The following GABRG3 variants were observed in gnomAD, a reference collection of about 807,000 sequenced individuals.
GABRG3 encodes gamma-aminobutyric acid receptor subunit gamma-3.
In GABRG3, 25 loss-of-function variants were observed where a neutral mutation model predicts 48.8. That is an observed-to-expected ratio of 0.51 (90% CI 0.37 to 0.72). The LOEUF is 0.72. Among genes scored for constraint, GABRG3 ranks in the 30% least tolerant of loss-of-function variants. The probability of loss-of-function intolerance (pLI) is 0.00; values close to 1 mark genes in which losing one functional copy is unlikely to be tolerated. For synonymous variants in GABRG3, 227 were observed against 217.6 expected (o/e 1.04, Z -0.38); for missense variants, 394 against 577.9 (o/e 0.68, Z 3.26).
intron 2 of GABRG3, among the ~76,000 whole-genome samples, chr15:27,011,716 T>C (rs948864634): frequency 5.3e-5 from 8 of 151,842 alleles, no homozygotes; most frequent in African/African-American, 1.2e-4. Context: ...GGTGTGGTGG[T>C]GGGCGCCTGT....
intron 6 of GABRG3, among the ~76,000 whole-genome samples, chr15:27,484,798 T>TCACAATGGTCAAAG (rs1476190106): frequency 3.3e-5 from 5 of 152,124 alleles, no homozygotes; most frequent in African/African-American, 9.6e-5. Flanking sequence ...CTAAAAGATA[T>TCACAATGGTCAAAG]CACAATGGTC....
At position 26,998,863 on chromosome 15, in the gene GABRG3, A is replaced by G. The variant is rs1040729184; in HGVS notation, c.202+21713A>G. 2.6e-4 allele frequency among the ~76,000 whole-genome samples: 39 copies of G among 152,302 alleles called. No individual in the cohort carries two copies. In the East Asian group the frequency reaches 3.9e-3, roughly 15 times the overall value. ...CACAATGATTTAGTAAAGTTTTTTGATTGAATGTTTCTTCCTTTGCTGTAT... is the reference window on the plus strand; with the variant it reads ...CACAATGATTTAGTAAAGTTTTTTGGTTGAATGTTTCTTCCTTTGCTGTAT... On this transcript the variant is annotated intron_variant, in intron 2 of 9. Coordinates refer to ENST00000615808, the MANE Select transcript of GABRG3 (RefSeq NM_033223.5).
chr15:27,155,720 T>A (rs182576791), intron 3 of GABRG3, among the ~76,000 whole-genome samples: 10 of 152,260 alleles, frequency 6.6e-5, no homozygotes, highest in Admixed American at 5.9e-4. Flanking sequence ...CTAGCTTCCC[T>A]CTAGGTCCCT....
rs1039913093 is a variant in GABRG3 at position 27,537,125 on chromosome 15, A to T, written c.*4244A>T. On this transcript the variant is annotated 3_prime_UTR_variant, in exon 10 of 10. Coordinates refer to ENST00000615808, the MANE Select transcript of GABRG3 (RefSeq NM_033223.5). ...AAGAAATTTCATCTGCAATTTCTGT[A>T]AAAAAAAAAAAAAAAAAAAAGAATG... 1.1e-5 allele frequency: 1 copy of T among 91,932 alleles called. No homozygotes were observed. Among genetic ancestry groups the T allele is most frequent in the Non-Finnish European group, 1.9e-5 (1 of 52,480 alleles). The allele number at this position is 91,932 out of a possible 1,614,324, so 5.7% of individuals were successfully genotyped here. A position where few individuals can be genotyped will look rare whatever the true frequency, so the allele number is the denominator to read the frequency against.
chr15:27,393,344 CA>C (rs34689012), intron 5 of GABRG3, among the ~76,000 whole-genome samples: 52,103 of 110,884 alleles, frequency 0.47, 10,331 homozygotes, highest in East Asian at 0.84. Context: ...ACTCCGTCTC[CA>C]AAAAAAAAAA....
At chr15:27,056,750 G>A (rs1340162820) in intron 3 of GABRG3, among the ~76,000 whole-genome samples, 2 of 152,116 alleles carry the variant, frequency 1.3e-5, no homozygotes, top group Admixed American at 6.5e-5. Context: ...GTGGATGAGC[G>A]TTTTCATTAA....
chr15:27,209,669 C>T (rs747702302), intron 3 of GABRG3, among the ~76,000 whole-genome samples: 1 of 152,188 alleles, frequency 6.6e-6, no homozygotes, highest in Non-Finnish European at 1.5e-5. Context: ...GCAGCTGTCT[C>T]TGGAGGCCAC....
At chr15:27,283,413 G>A (rs1310106384) in intron 3 of GABRG3, among the ~76,000 whole-genome samples, 1 of 152,172 alleles carries the variant, frequency 6.6e-6, no homozygotes, top group Non-Finnish European at 1.5e-5. Flanking sequence ...AGACCAGCCT[G>A]GCCAACATGG....
chr15:27,158,885 A>C (rs952592999), intron 3 of GABRG3, among the ~76,000 whole-genome samples: 1 of 152,004 alleles, frequency 6.6e-6, no homozygotes, highest in African/African-American at 2.4e-5. Flanking sequence ...CTCTCATTTC[A>C]CTCTAGTTTG....
intron 5 of GABRG3, among the ~76,000 whole-genome samples, chr15:27,415,342 C>T (rs1057389908): frequency 2.0e-5 from 3 of 152,172 alleles, no homozygotes; most frequent in African/African-American, 7.2e-5. Flanking sequence ...AGGCATTCCT[C>T]ATGGCTCTGA....
intron 5 of GABRG3, among the ~76,000 whole-genome samples, chr15:27,396,290 A>C (rs1056214731): frequency 1.1e-4 from 17 of 152,238 alleles, no homozygotes; most frequent in Admixed American, 9.8e-4. Flanking sequence ...TATGTAAGGA[A>C]CACTCAAAAG....
At chr15:27,429,274 G>A (rs569063405) in intron 5 of GABRG3, among the ~76,000 whole-genome samples, 57 of 152,174 alleles carry the variant, frequency 3.7e-4, no homozygotes, top group African/African-American at 1.3e-3. Context: ...TGACCTTTCC[G>A]TGTCCTACAT....
intron 2 of GABRG3, among the ~76,000 whole-genome samples, chr15:27,012,611 T>C (rs1895709206): frequency 6.6e-6 from 1 of 152,196 alleles, no homozygotes; most frequent in African/African-American, 2.4e-5. Flanking sequence ...TAGGAAGGAA[T>C]GGATATGGGG....
At chr15:26,987,427 C>G (rs1394131215) in intron 2 of GABRG3, among the ~76,000 whole-genome samples, 1 of 152,226 alleles carries the variant, frequency 6.6e-6, no homozygotes, top group Non-Finnish European at 1.5e-5. Context: ...TCCAAGACAT[C>G]TTACAGATCC....
At chr15:27,453,579 A>G (rs1245566150) in intron 5 of GABRG3, among the ~76,000 whole-genome samples, 1 of 152,130 alleles carries the variant, frequency 6.6e-6, no homozygotes, top group South Asian at 2.1e-4. Context: ...ATGCAAAACA[A>G]CACAGACTTT....
intron 2 of GABRG3, among the ~76,000 whole-genome samples, chr15:26,989,075 C>G (rs1238591079): frequency 1.3e-5 from 2 of 152,280 alleles, no homozygotes; most frequent in South Asian, 4.1e-4. Context: ...TCCACATTAT[C>G]CTTGCCACTC....
chr15:27,084,069 C>T (rs1897035586), intron 3 of GABRG3, among the ~76,000 whole-genome samples: 3 of 152,190 alleles, frequency 2.0e-5, no homozygotes, highest in Admixed American at 1.3e-4. Flanking sequence ...ACCTGAGAAC[C>T]CTGGGTCCCA....
chr15:27,380,143 T>G (rs1270910995), intron 5 of GABRG3, among the ~76,000 whole-genome samples: 2 of 152,324 alleles, frequency 1.3e-5, no homozygotes, highest in East Asian at 3.9e-4. Context: ...GCTTACCGTT[T>G]TCTCAGCCAT....
intron 5 of GABRG3, among the ~76,000 whole-genome samples, chr15:27,394,648 G>A (rs761774428): frequency 4.6e-5 from 7 of 152,132 alleles, no homozygotes; most frequent in Non-Finnish European, 8.8e-5. Context: ...TGTTAATGAT[G>A]GGTGCTCTCA....
Sources: gnomAD v4.1 joint callset for allele counts (sites outside exome capture counted in the v4.1 genomes callset) on GRCh38, gnomAD v4.1.1 for gene constraint, MANE v1.5 for transcripts, NCBI Gene and HGNC (gene_info 2026-07-23, HGNC 2026-07-21) for gene names.